Variants in DGKQ observed in about 807,000 individuals in gnomAD.
DGKQ encodes DAG kinase theta.
In DGKQ, 97 loss-of-function variants were observed where a neutral mutation model predicts 104.2. The ratio of observed to expected loss-of-function variants is 0.93; its 90% CI spans 0.79 to 1.10. The LOEUF is 1.10. Ranked by LOEUF, DGKQ falls within the 50% of genes least tolerant of loss-of-function variation. The probability of loss-of-function intolerance (pLI) is 0.00; values close to 1 mark genes in which losing one functional copy is unlikely to be tolerated. For missense variants in DGKQ, 1,465 were observed against 1,352.1 expected, an observed-to-expected ratio of 1.08 and a Z score of -1.31; for synonymous variants, 736 against 595.2, an observed-to-expected ratio of 1.24 and a Z score of -3.44.
intron 10 of DGKQ, 80 bp from the exon 11 acceptor site, chr4:966,882 C>T: frequency 6.4e-7 from 1 of 1,557,898 alleles, no homozygotes; most frequent in Non-Finnish European, 8.7e-7. Context: ...CACGCCTGGG[C>T]TGGGATGGTG....
rs201235817 is a variant in DGKQ, at chr4:962,919, G to A, written c.1888C>T (p.Leu630Phe). ...DLTNGGPLPG[L>F]HLFSQVPCFR... The stretch of plus-strand genomic sequence containing the variant: ...CAGGGCACCTGGGAGAACAGGTGGA[G>A]CCTAGCGGGAGACAGGAAGTGTCCT... Residue 630 changes from leucine (L) to phenylalanine (F), a missense_variant and splice_region_variant, in exon 17 of 23, where the codon CTC (leucine) becomes TTC (phenylalanine). Physicochemically the swap from Leu to Phe is conservative, Grantham distance 22. Transcript: ENST00000273814. The A allele has an allele frequency of 8.7e-6, 14 of 1,606,894 alleles. No individual in the cohort carries two copies. The Admixed American group carries it at 2.0e-4, about 23-fold the overall frequency.
chr4:965,013 G>A (rs1464019897), intron 15 of DGKQ, among the ~76,000 whole-genome samples, 163 bp downstream of exon 15: 1 of 152,210 alleles, frequency 6.6e-6, no homozygotes, highest in Non-Finnish European at 1.5e-5. Flanking sequence ...CTGCTGTTGT[G>A]AGGCACAAAC....
Position 967,881 on chromosome 4 carries a change from C to G in DGKQ, c.810G>C (p.Pro270=), listed in dbSNP as rs900211721. 6.9e-7 allele frequency: 1 copy of G among 1,451,922 alleles called. No homozygotes were observed. The highest frequency in any genetic ancestry group is 1.5e-5 in the African/African-American group (1 of 68,340). The allele number at this position is 1,451,922 out of a possible 1,614,324, so 89.9% of individuals were successfully genotyped here. The part of the protein sequence containing the change: ...QSFRIVEAAE[P]GEGGDGADGS... Reference sequence around the variant, plus strand: ...CGCCCCGGCCGGCCCGCACCTCACCCGGCTCCGCGGCCTCCACGATGCGGA... The same window carrying G: ...CGCCCCGGCCGGCCCGCACCTCACCGGGCTCCGCGGCCTCCACGATGCGGA... Residue 270 remains proline, a splice_region_variant and synonymous_variant, in exon 6 of 23, where the codon CCG becomes CCC. Transcript: ENST00000273814.
At chr4:960,821 T>A in intron 22 of DGKQ, 100 bp from the exon 23 acceptor site, 1 of 1,524,254 alleles carries the variant, frequency 6.6e-7, no homozygotes, top group Non-Finnish European at 8.8e-7. Context: ...GCTGATGCCA[T>A]CTCAGCCCCA....
chr4:968,790 A>T (rs1264096861), intron 3 of DGKQ, 21 bp downstream of exon 3: 1 of 1,594,658 alleles, frequency 6.3e-7, no homozygotes, highest in Admixed American at 1.7e-5. Context: ...CTGGGTGGGG[A>T]GCCAGGCAGG....
At chr4:960,921 A>G in intron 22 of DGKQ, 128 bp downstream of exon 22, 2 of 1,503,438 alleles carry the variant, frequency 1.3e-6, no homozygotes, top group Non-Finnish European at 1.8e-6. Context: ...TGAAGCAGGC[A>G]CCCTCCCGGA....
rs868769563 is a variant in DGKQ, at chr4:960,690, G to A, written c.2759C>T (p.Pro920Leu). 3 of 1,611,878 alleles carry A rather than the reference G, an allele frequency of 1.9e-6. No homozygotes were observed. Among genetic ancestry groups the A allele is most frequent in the African/African-American group, 2.7e-5 (2 of 74,764 alleles). Residue 920 changes from proline (P) to leucine (L), a missense_variant, in exon 23 of 23, where the codon CCG becomes CTG. Transcript: ENST00000273814. Reference protein sequence around the residue: ...VHMLRKAKQKPRRAGTTRDAR... With the variant: ...VHMLRKAKQKLRRAGTTRDAR... ...ATCCCTGGTGGTCCCGGCCCTCCTC[G>A]GCTTCTGCTTGGCCTTCCTCAGCAT...
chr4:963,059 G>C lies in DGKQ; in HGVS notation c.1886+80C>G, dbSNP rs557971705. On this transcript the variant is annotated intron_variant, in intron 16 of 22. Transcript: ENST00000273814. The stretch of plus-strand genomic sequence containing the variant: ...ACGGGATCCCCGTGGAGCTCCTGCC[G>C]GCCGAGACAGCTGTGGCAGCCTCCT... The C allele has an allele frequency of 2.0e-6, 3 of 1,497,408 alleles. No homozygotes were observed. In the South Asian group the frequency reaches 3.9e-5, roughly 20 times the overall value. 92.8% of individuals were successfully genotyped at this position (1,497,408 alleles called of 1,614,324 possible).
At chr4:964,899 C>T (rs1444385189) in intron 15 of DGKQ, among the ~76,000 whole-genome samples, 1 of 152,196 alleles carries the variant, frequency 6.6e-6, no homozygotes, top group East Asian at 1.9e-4. Flanking sequence ...GGGCCTGACC[C>T]CACGGTGCCC....
chr4:964,313 C>A (rs1449588274), intron 15 of DGKQ, among the ~76,000 whole-genome samples: 1 of 152,246 alleles, frequency 6.6e-6, no homozygotes, highest in South Asian at 2.1e-4. Context: ...AGTTCTGCTT[C>A]GCCTGGACTG....
chr4:966,117 C>T (rs748343494), intron 12 of DGKQ, 39 bp from the exon 13 acceptor site: 26 of 1,556,300 alleles, frequency 1.7e-5, no homozygotes, highest in East Asian at 4.6e-5. Flanking sequence ...CCGGGGAGAA[C>T]GGCACCACCG....
In DGKQ at chr4:961,518, G is replaced by T; in HGVS notation, c.2523C>A (p.Arg841=). Residue 841 remains arginine (R), a synonymous_variant, in exon 21 of 23, where the codon CGC becomes CGA. Coordinates refer to ENST00000273814, the MANE Select transcript of DGKQ (RefSeq NM_001347.4). The stretch of plus-strand genomic sequence containing the variant: ...CAACCTCCAGCAGCCCGTCGTCCAT[G>T]CGTGGCTTCTCAAACCTGGTGTCGC... The part of the protein sequence containing the change: ...SDSDTRFEKP[R]MDDGLLEVVG... The T allele has an allele frequency of 3.7e-6, 6 of 1,609,314 alleles. No homozygotes were observed. The highest frequency in any genetic ancestry group is 5.1e-6 in the Non-Finnish European group (6 of 1,178,706).
Position 965,555 on chromosome 4 carries a change from C to T in DGKQ, c.1580-26G>A, listed in dbSNP as rs756927611. The T allele has an allele frequency of 1.4e-5, 22 of 1,609,314 alleles. No individual in the cohort carries two copies. The East Asian group carries it at 2.5e-4, about 18-fold the overall frequency. Reference sequence around the variant, plus strand: ...CTGCAAAGGCAGGCTGTGGTCAGGGCGGTGGGAGGCGAAGGACACACAGCA... The same window carrying T: ...CTGCAAAGGCAGGCTGTGGTCAGGGTGGTGGGAGGCGAAGGACACACAGCA... On this transcript the variant is annotated intron_variant, in intron 13 of 22. Transcript: ENST00000273814.
chr4:970,498 C>T (rs771676055), intron 2 of DGKQ, among the ~76,000 whole-genome samples: 6 of 152,222 alleles, frequency 3.9e-5, no homozygotes, highest in Non-Finnish European at 8.8e-5. Flanking sequence ...CTCAGGCACC[C>T]AGGCTTCCTG....
chr4:962,626 C>T lies in DGKQ; in HGVS notation c.2036-13G>A. 1 of 1,605,206 alleles carries T rather than the reference C, an allele frequency of 6.2e-7. No individual in the cohort carries two copies. The highest frequency in any genetic ancestry group is 8.5e-7 in the Non-Finnish European group (1 of 1,178,848). ...CCAAGGTCATTCCCTGGGACACAAG[C>T]AGACACAGAGCATCTGTCCACACCC... On this transcript the variant is annotated splice_polypyrimidine_tract_variant and intron_variant, in intron 17 of 22. Transcript: ENST00000273814.
In DGKQ at chr4:973,468, G is replaced by GGCC; in HGVS notation, c.12_14dup (p.Ala5dup). 2 of 986,016 alleles carry GGCC rather than the reference G, an allele frequency of 2.0e-6. No homozygotes were observed. Among genetic ancestry groups the GGCC allele is most frequent in the South Asian group, 4.7e-5 (1 of 21,340 alleles). The allele number at this position is 986,016 out of a possible 1,614,324, so 61.1% of individuals were successfully genotyped here. ...CCAGCCAGGCGCGGGCCCCGGGCTC[G>GGCC]GCCGCCGCCGCCATTCCCGGCCCGA... On this transcript the variant is annotated inframe_insertion, in exon 1 of 23. Coordinates refer to ENST00000273814, the MANE Select transcript of DGKQ (RefSeq NM_001347.4).
chr4:973,463 G>T lies in DGKQ; in HGVS notation c.20C>A (p.Pro7His). The T allele has an allele frequency of 1.0e-6, 1 of 986,774 alleles. No individual in the cohort carries two copies. The highest frequency in any genetic ancestry group is 1.2e-6 in the Non-Finnish European group (1 of 832,032). The allele number at this position is 986,774 out of a possible 1,614,324, so 61.1% of individuals were successfully genotyped here. A position where few individuals can be genotyped will look rare whatever the true frequency, so the allele number is the denominator to read the frequency against. MAAAAE[P>H]GARAWLGGGS... is the part of the protein sequence containing the mutation. The stretch of plus-strand genomic sequence containing the variant: ...GCCGCCCAGCCAGGCGCGGGCCCCG[G>T]GCTCGGCCGCCGCCGCCATTCCCGG... Residue 7 changes from proline (P) to histidine (H), a missense_variant, in exon 1 of 23, where the codon CCC becomes CAC. Coordinates refer to ENST00000273814, the MANE Select transcript of DGKQ (RefSeq NM_001347.4).
Position 960,704 on chromosome 4 carries a change from C to G in DGKQ, c.2745G>C (p.Lys915Asn). The G allele has an allele frequency of 1.2e-6, 2 of 1,612,242 alleles. No individual in the cohort carries two copies. Among genetic ancestry groups the G allele is most frequent in the Non-Finnish European group, 1.7e-6 (2 of 1,179,780 alleles). The change falls in exon 23 of 23, where the codon AAG (lysine) becomes AAC (asparagine). Residue 915 changes from lysine to asparagine, a missense_variant. By Grantham distance (94) the Lys-to-Asn change is moderately conservative. Coordinates refer to ENST00000273814, the MANE Select transcript of DGKQ (RefSeq NM_001347.4). ...AAGPKVHMLR[K>N]AKQKPRRAGT... is the part of the protein sequence containing the mutation. ...CGGCCCTCCTCGGCTTCTGCTTGGC[C>G]TTCCTCAGCATGTGCACCTGTCCCA...
chr4:968,872 G>C lies in DGKQ; in HGVS notation c.390C>G (p.His130Gln). Residue 130 changes from histidine (H) to glutamine (Q), a missense_variant, in exon 3 of 23, where the codon CAC becomes CAG. Transcript: ENST00000273814. ...VAHCFGPRGLHKRKFCAVCRK... is the reference protein window; with the variant it reads ...VAHCFGPRGLQKRKFCAVCRK... The stretch of plus-strand genomic sequence containing the variant: ...GGCAGACAGCACAGAACTTGCGCTT[G>C]TGGAGCCCCCGGGGGCCGAAGCAGT... 1 of 1,605,508 alleles carries C rather than the reference G, an allele frequency of 6.2e-7. No homozygotes were observed. The highest frequency in any genetic ancestry group is 2.2e-5 in the East Asian group (1 of 44,636).
Sources: allele counts gnomAD v4.1 joint callset (sites outside exome capture counted in the v4.1 genomes callset), GRCh38; gene constraint gnomAD v4.1.1; transcripts MANE v1.5; gene names NCBI Gene and HGNC (gene_info 2026-07-23, HGNC 2026-07-21).